The following PRKAR1B variants were observed in gnomAD, a reference collection of about 807,000 sequenced individuals.
PRKAR1B encodes cAMP-dependent protein kinase type I-beta regulatory subunit.
In PRKAR1B, 22 loss-of-function variants were observed where a neutral mutation model predicts 46.5. The observed-to-expected ratio is 0.47, with a 90% confidence interval of 0.34 to 0.68. PRKAR1B has a LOEUF of 0.68. PRKAR1B is among the 30% of genes least tolerant of loss of function. The pLI is 0.01. For synonymous variants in PRKAR1B, 259 were observed against 217.7 expected (o/e 1.19, Z -1.67); for missense variants, 445 against 535.6 (o/e 0.83, Z 1.67).
At chr7:689,266 C>T (rs1329940135) in intron 2 of PRKAR1B, among the ~76,000 whole-genome samples, 11 of 152,040 alleles carry the variant, frequency 7.2e-5, no homozygotes, top group South Asian at 2.1e-4. Flanking sequence ...GGACTACAGG[C>T]GCCCACCACC....
chr7:701,543 CAA>C (rs1780070361), intron 2 of PRKAR1B, among the ~76,000 whole-genome samples: 1 of 152,042 alleles, frequency 6.6e-6, no homozygotes, highest in African/African-American at 2.4e-5. Flanking sequence ...CAAAGGAAAA[CAA>C]GAGAAACTCA....
rs76036113 is a variant in PRKAR1B at position 551,465 on chromosome 7, G to A, written c.897C>T (p.Thr299=). The change falls in exon 10 of 11, where the codon ACC becomes ACT. Residue 299 remains threonine, a synonymous_variant. Transcript: ENST00000537384. ...GDDFYIITEG[T]ASVLQRRSPN... Reference sequence around the variant, plus strand: ...GGGACCGGCGCTGCAGCACGGACGCGGTGCCCTGTGGGTGGAGGTGGACAG... The same window carrying A: ...GGGACCGGCGCTGCAGCACGGACGCAGTGCCCTGTGGGTGGAGGTGGACAG... The A allele has an allele frequency of 7.0e-4, 1,083 of 1,553,764 alleles. No homozygotes were observed. The highest frequency in any genetic ancestry group is 2.0e-3 in the African/African-American group (147 of 73,772).
chr7:674,376 A>C (rs1227848223), intron 4 of PRKAR1B, among the ~76,000 whole-genome samples: 1 of 152,126 alleles, frequency 6.6e-6, no homozygotes, highest in East Asian at 1.9e-4. Context: ...TACTCTAGCC[A>C]CATCTAACTA....
chr7:725,778 C>T (rs1026613614), intron 1 of PRKAR1B, among the ~76,000 whole-genome samples: 5 of 152,192 alleles, frequency 3.3e-5, no homozygotes, highest in Admixed American at 2.6e-4. Context: ...GATAACACCA[C>T]TATCATCAAC....
At chr7:594,170 G>C (rs1462765112) in intron 7 of PRKAR1B, among the ~76,000 whole-genome samples, 14 of 152,144 alleles carry the variant, frequency 9.2e-5, no homozygotes, top group Non-Finnish European at 1.9e-4. Context: ...TCCCTCCTTA[G>C]GAATCACACC....
At chr7:601,251 G>C (rs538387891) in intron 6 of PRKAR1B, among the ~76,000 whole-genome samples, 5 of 152,290 alleles carry the variant, frequency 3.3e-5, no homozygotes, top group African/African-American at 7.2e-5. Flanking sequence ...TCGGACCCTG[G>C]GTAGCCGTAG....
rs532812094 is a variant in PRKAR1B, at chr7:624,276, T to C, written c.441-16824A>G. ...GGGGAAACCCCATCTCTACTAAAAA[T>C]ACAAACATTAGCCAGGCTTGGTGAC... is the stretch of plus-strand genomic sequence containing the variant. On this transcript the variant is annotated intron_variant, in intron 4 of 10. Transcript: ENST00000537384. Among the ~76,000 whole-genome samples the C allele has an allele frequency of 2.0e-5, 3 of 152,202 alleles. No homozygotes were observed. In the South Asian group the frequency reaches 6.2e-4, roughly 32 times the overall value.
At chr7:550,679 C>T (rs1784127515) in intron 10 of PRKAR1B, 77 bp from the exon 11 acceptor site, 2 of 1,281,342 alleles carry the variant, frequency 1.6e-6, no homozygotes, top group African/African-American at 3.0e-5. Flanking sequence ...TGTCCAGGAC[C>T]CTGGAAGCGG....
chr7:609,669 T>C (rs1782364655), intron 4 of PRKAR1B, among the ~76,000 whole-genome samples: 1 of 152,244 alleles, frequency 6.6e-6, no homozygotes, highest in Non-Finnish European at 1.5e-5. Context: ...TCCTGACCCA[T>C]ATTTTCTGAA....
intron 1 of PRKAR1B, among the ~76,000 whole-genome samples, chr7:715,426 G>A (rs1780837469): frequency 6.6e-6 from 1 of 152,066 alleles, no homozygotes; most frequent in African/African-American, 2.4e-5. Context: ...TCGCCACCCT[G>A]CCACACGGTG....
chr7:688,018 C>T (rs902096318), intron 2 of PRKAR1B, among the ~76,000 whole-genome samples: 13 of 150,782 alleles, frequency 8.6e-5, no homozygotes, highest in East Asian at 3.9e-4. Flanking sequence ...ATCATTTGAA[C>T]CCAGGAGGGA....
chr7:693,662 G>A (rs747216015), intron 2 of PRKAR1B, among the ~76,000 whole-genome samples: 37 of 152,108 alleles, frequency 2.4e-4, no homozygotes, highest in Non-Finnish European at 3.5e-4. Context: ...ACGGACGTGC[G>A]AGGTTTTCAC....
chr7:604,317 G>A (rs1781863220), intron 6 of PRKAR1B, among the ~76,000 whole-genome samples: 1 of 152,222 alleles, frequency 6.6e-6, no homozygotes, highest in African/African-American at 2.4e-5. Flanking sequence ...TGAGCCCAGG[G>A]TTGACCCGCC....
chr7:675,670 G>A (rs1229294633), intron 4 of PRKAR1B, among the ~76,000 whole-genome samples: 8 of 152,130 alleles, frequency 5.3e-5, no homozygotes, highest in African/African-American at 9.7e-5. Context: ...AATGCAGGCC[G>A]GGCGCAGTGG....
At chr7:613,976 G>A (rs573722758) in intron 4 of PRKAR1B, among the ~76,000 whole-genome samples, 2 of 152,348 alleles carry the variant, frequency 1.3e-5, no homozygotes, top group East Asian at 3.9e-4. Flanking sequence ...CAAGCGGGTG[G>A]GAGACACCCA....
chr7:655,196 G>A (rs927273073), intron 4 of PRKAR1B, among the ~76,000 whole-genome samples: 4 of 152,156 alleles, frequency 2.6e-5, no homozygotes, highest in African/African-American at 9.7e-5. Context: ...ATGCCTTCTA[G>A]GGCCTCCCAT....
chr7:638,706 G>T (rs1264919256), intron 4 of PRKAR1B, among the ~76,000 whole-genome samples: 2 of 152,224 alleles, frequency 1.3e-5, no homozygotes, highest in African/African-American at 4.8e-5. Context: ...TTATTGAGAA[G>T]ATTCAATATT....
chr7:673,045 TAAAAAAAAAAAAA>T (rs992683667), intron 4 of PRKAR1B, among the ~76,000 whole-genome samples: 43 of 26,546 alleles, frequency 1.6e-3, no homozygotes, highest in South Asian at 3.6e-3. Flanking sequence ...GCCTTGTCTT[TAAAAAAAAAAAAA>T]AAAAAAAAAA....
chr7:704,827 T>C (rs1780235854), intron 2 of PRKAR1B, among the ~76,000 whole-genome samples: 1 of 152,138 alleles, frequency 6.6e-6, no homozygotes, highest in Non-Finnish European at 1.5e-5. Context: ...GTAAATTAAA[T>C]ATCTGACAGT....
Sources: allele counts gnomAD v4.1 joint callset (sites outside exome capture counted in the v4.1 genomes callset), GRCh38; gene constraint gnomAD v4.1.1; transcripts MANE v1.5; gene names NCBI Gene and HGNC (gene_info 2026-07-23, HGNC 2026-07-21).